The following GPHN variants were observed in gnomAD, a reference collection of about 807,000 sequenced individuals.
GPHN encodes the protein gephyrin.
A neutral mutation model predicts 95.5 loss-of-function variants in GPHN; 17 were observed. The observed-to-expected ratio is 0.18, with a 90% CI of 0.12 to 0.27. The LOEUF is 0.27. Ranked by LOEUF, GPHN falls within the 10% of genes least tolerant of loss-of-function variation. The probability of loss-of-function intolerance (pLI) is 1.00; values close to 1 mark genes in which losing one functional copy is unlikely to be tolerated. For missense variants in GPHN, 660 were observed against 978.1 expected (o/e 0.67, Z 4.34); for synonymous variants, 320 against 322.5 (o/e 0.99, Z 0.08).
At chr14:67,327,339 A>C in the GPHN span, among the ~76,000 whole-genome samples, 4 of 151,788 alleles carry the variant, frequency 2.6e-5, no homozygotes, top group African/African-American at 9.7e-5. Flanking sequence ...AAAAACTGCT[A>C]AACTGTTTTT....
chr14:67,093,678 A>G (rs1398785026), intron 12 of GPHN, among the ~76,000 whole-genome samples: 3 of 152,156 alleles, frequency 2.0e-5, no homozygotes, highest in Non-Finnish European at 4.4e-5. Flanking sequence ...AGATAATGGT[A>G]AAGAATACAC....
chr14:67,161,801 A>G (rs937639299), intron 19 of GPHN, among the ~76,000 whole-genome samples: 1 of 152,330 alleles, frequency 6.6e-6, no homozygotes, highest in East Asian at 1.9e-4. Context: ...AAAGAAGCCA[A>G]CACGACTTGC....
the GPHN span, among the ~76,000 whole-genome samples, chr14:67,498,773 C>T: frequency 3.3e-5 from 5 of 151,156 alleles, no homozygotes; most frequent in Admixed American, 2.0e-4. Context: ...TCAAGCAATT[C>T]TCCTGTCTCA....
chr14:67,391,004 A>G, the GPHN span, among the ~76,000 whole-genome samples: 1 of 152,134 alleles, frequency 6.6e-6, no homozygotes, highest in Admixed American at 6.5e-5. Flanking sequence ...TCCATGCAGA[A>G]GGAAAGGGGA....
At chr14:67,127,437 G>A (rs2079397925) in intron 17 of GPHN, among the ~76,000 whole-genome samples, 1 of 152,158 alleles carries the variant, frequency 6.6e-6, no homozygotes, top group African/African-American at 2.4e-5. Context: ...GCTAATGATG[G>A]AGACTGGAAA....
chr14:66,803,477 C>A (rs2060432244), intron 3 of GPHN, among the ~76,000 whole-genome samples: 1 of 152,152 alleles, frequency 6.6e-6, no homozygotes, highest in African/African-American at 2.4e-5. Context: ...GCGGAGGCAA[C>A]AATTGGTGGA....
At chr14:66,719,206 C>T (rs753940360) in intron 2 of GPHN, among the ~76,000 whole-genome samples, 4 of 152,192 alleles carry the variant, frequency 2.6e-5, no homozygotes, top group Non-Finnish European at 5.9e-5. Context: ...ATTTCCTTCT[C>T]CCTGTGGCAT....
At chr14:67,324,620 T>C in the GPHN span, among the ~76,000 whole-genome samples, 8 of 152,168 alleles carry the variant, frequency 5.3e-5, no homozygotes, top group African/African-American at 1.9e-4. Flanking sequence ...GGTCTTACTC[T>C]ATTGCCCAGG....
At chr14:67,623,534 C>CTTTTTTT in the GPHN span, among the ~76,000 whole-genome samples, 42 of 82,948 alleles carry the variant, frequency 5.1e-4, 5 homozygotes, top group African/African-American at 2.0e-3. Context: ...CTCAGGTAAC[C>CTTTTTTT]TTTTTTTTTT....
chr14:66,732,705 C>T (rs541198238), intron 2 of GPHN, among the ~76,000 whole-genome samples: 7 of 152,176 alleles, frequency 4.6e-5, no homozygotes, highest in South Asian at 2.1e-4. Flanking sequence ...TTAGTAGAGA[C>T]GGGGATTCAC....
At chr14:67,293,806 A>T in the GPHN span, among the ~76,000 whole-genome samples, 2 of 152,164 alleles carry the variant, frequency 1.3e-5, no homozygotes, top group African/African-American at 2.4e-5. Flanking sequence ...AATCATTATA[A>T]TCATTCCTGT....
chr14:67,323,018 T>G, the GPHN span, among the ~76,000 whole-genome samples: 4 of 152,180 alleles, frequency 2.6e-5, no homozygotes, highest in Non-Finnish European at 5.9e-5. Flanking sequence ...GTAAGGCAAC[T>G]TGTATGATTC....
chr14:66,958,631 G>T (rs1359521435), intron 8 of GPHN, among the ~76,000 whole-genome samples: 1 of 152,096 alleles, frequency 6.6e-6, no homozygotes. Context: ...TAACATAATG[G>T]TAAGTATTTG....
the GPHN span, among the ~76,000 whole-genome samples, chr14:67,482,726 C>T: frequency 1.1e-4 from 17 of 152,316 alleles, no homozygotes; most frequent in South Asian, 3.5e-3. Context: ...GAAAATAGGG[C>T]TTGCCCAGGG....
intron 1 of GPHN, among the ~76,000 whole-genome samples, chr14:66,625,849 T>C (rs949128083): frequency 1.3e-5 from 2 of 152,246 alleles, no homozygotes; most frequent in Admixed American, 6.5e-5. Flanking sequence ...TGCAGATTTA[T>C]ATTTAATAGG....
rs192383667 is a variant in GPHN at position 66,865,007 on chromosome 14, G to A, written c.295-14932G>A. Among the ~76,000 whole-genome samples the A allele has an allele frequency of 1.0e-3, 152 of 152,226 alleles. 1 individual carries two copies. Among genetic ancestry groups the A allele is most frequent in the Middle Eastern group, 3.4e-3 (1 of 294 alleles). On this transcript the variant is annotated intron_variant, in intron 4 of 22. Transcript: ENST00000478722. ...GAGGTCATTATGTTTGTGAAGCCAG[G>A]CACAGAAAGACAAACTTCACATGTT...
Position 67,012,163 on chromosome 14 carries a change from G to C in GPHN, c.964-11470G>C, listed in dbSNP as rs1389189861. ...TAATTAAGTTTTCTCTGGTTTGATG[G>C]TTATTCCATGTGATGCATCTTTCCA... On this transcript the variant is annotated intron_variant, in intron 9 of 22. Transcript: ENST00000478722. Among the ~76,000 whole-genome samples the C allele has an allele frequency of 2.0e-5, 3 of 152,226 alleles. No individual in the cohort carries two copies. The East Asian group carries it at 5.8e-4, about 29-fold the overall frequency.
chr14:67,279,221 A>C, the GPHN span: 1 of 1,612,574 alleles, frequency 6.2e-7, no homozygotes. Context: ...CAGACAGCGA[A>C]GTAAAAAATG....
At chr14:67,612,278 G>C in the GPHN span, among the ~76,000 whole-genome samples, 1 of 152,188 alleles carries the variant, frequency 6.6e-6, no homozygotes. Context: ...GCCATAGGAA[G>C]CTGGGGAATT....
Sources: gnomAD v4.1 joint callset for allele counts (sites outside exome capture counted in the v4.1 genomes callset) on GRCh38, gnomAD v4.1.1 for gene constraint, MANE v1.5 for transcripts, NCBI Gene and HGNC (gene_info 2026-07-23, HGNC 2026-07-21) for gene names.